Variants in ACMSD observed in about 807,000 individuals in gnomAD.
ACMSD encodes the protein 2-amino-3-carboxymuconate-6-semialdehyde decarboxylase.
In ACMSD, 37 loss-of-function variants were observed where a neutral mutation model predicts 45.9. The observed-to-expected ratio is 0.81, with a 90% CI of 0.62 to 1.06. The LOEUF is 1.06. Among genes scored for constraint, ACMSD ranks in the 50% least tolerant of loss-of-function variants. The probability of loss-of-function intolerance (pLI) is 0.00; values close to 1 mark genes in which losing one functional copy is unlikely to be tolerated. For missense variants in ACMSD, 434 were observed against 420.9 expected, an observed-to-expected ratio of 1.03 and a Z score of -0.27; for synonymous variants, 138 against 148.8, an observed-to-expected ratio of 0.93 and a Z score of 0.53.
At chr2:134,855,785 A>C (rs1201758016) in intron 2 of ACMSD, among the ~76,000 whole-genome samples, 2 of 152,250 alleles carry the variant, frequency 1.3e-5, no homozygotes, top group African/African-American at 4.8e-5. Context: ...ACAGCACTTA[A>C]AGGTGAAAAG....
chr2:134,842,599 C>A (rs1264215980), intron 1 of ACMSD, among the ~76,000 whole-genome samples: 2 of 152,126 alleles, frequency 1.3e-5, no homozygotes, highest in Non-Finnish European at 2.9e-5. Context: ...CACCTCACTC[C>A]CTCCACCATG....
At chr2:134,842,833 TTGTAAGTGACTTGTCGCA>T (rs1438720936) in intron 1 of ACMSD, among the ~76,000 whole-genome samples, 1 of 152,202 alleles carries the variant, frequency 6.6e-6, no homozygotes, top group Non-Finnish European at 1.5e-5. Context: ...GTCAAGTGCC[TTGTAAGTGACTTGTCGCA>T]TGTGGGAGGA....
In ACMSD at chr2:134,842,847, T is replaced by C. The variant is rs558924486; in HGVS notation, c.58-2386T>C. Among the ~76,000 whole-genome samples the C allele has an allele frequency of 6.4e-3, 981 of 152,304 alleles. 16 individuals are homozygous for C. The highest frequency in any genetic ancestry group is 0.022 in the African/African-American group (906 of 41,560). On this transcript the variant is annotated intron_variant, in intron 1 of 9. Coordinates refer to ENST00000356140, the MANE Select transcript of ACMSD (RefSeq NM_138326.3). ...AGTCAAGTGCCTTGTAAGTGACTTG[T>C]CGCATGTGGGAGGATCCCTCTGCTC...
At chr2:134,855,805 T>G (rs915977863) in intron 2 of ACMSD, among the ~76,000 whole-genome samples, 5 of 152,224 alleles carry the variant, frequency 3.3e-5, no homozygotes, top group Non-Finnish European at 7.3e-5. Flanking sequence ...GCATCCAGAC[T>G]TCTTCATGCA....
chr2:134,869,669 G>A (rs1688322496), intron 6 of ACMSD, among the ~76,000 whole-genome samples: 1 of 151,714 alleles, frequency 6.6e-6, no homozygotes, highest in Non-Finnish European at 1.5e-5. Flanking sequence ...CCTTCATGGA[G>A]CTTATATTCT....
chr2:134,885,610 A>G (rs1265053040), intron 8 of ACMSD, among the ~76,000 whole-genome samples: 1 of 150,986 alleles, frequency 6.6e-6, no homozygotes, highest in East Asian at 1.9e-4. Flanking sequence ...TTGTATCAAA[A>G]TAAGAAACAT....
intron 1 of ACMSD, among the ~76,000 whole-genome samples, chr2:134,842,885 C>T (rs1402906337): frequency 1.3e-5 from 2 of 152,210 alleles, no homozygotes; most frequent in Non-Finnish European, 1.5e-5. Flanking sequence ...CCTTTCCTAC[C>T]TCCCTATCCT....
At chr2:134,882,944 T>C (rs1293975719) in intron 8 of ACMSD, among the ~76,000 whole-genome samples, 3 of 152,216 alleles carry the variant, frequency 2.0e-5, no homozygotes, top group Non-Finnish European at 2.9e-5. Context: ...CAGTAAGTCC[T>C]TGACCTCATA....
chr2:134,882,190 A>T (rs1461638197), intron 8 of ACMSD, among the ~76,000 whole-genome samples: 1 of 152,220 alleles, frequency 6.6e-6, no homozygotes, highest in Non-Finnish European at 1.5e-5. Context: ...ATTTGTTTGA[A>T]TACTTAGGCT....
chr2:134,882,128 A>G lies in ACMSD; in HGVS notation c.849+9487A>G, dbSNP rs544272328. Among the ~76,000 whole-genome samples the G allele has an allele frequency of 4.6e-5, 7 of 152,278 alleles. No homozygotes were observed. In the South Asian group the frequency reaches 1.0e-3, roughly 23 times the overall value. ...GTGAGACTTGGTCTCAAAACAAACA[A>G]AAAAAGGTGGGGGAGGGTACCTGCC... On this transcript the variant is annotated intron_variant, in intron 8 of 9. Transcript: ENST00000356140.
chr2:134,856,905 G>GTT (rs79389559), intron 2 of ACMSD, among the ~76,000 whole-genome samples: 41 of 150,986 alleles, frequency 2.7e-4, no homozygotes, highest in Middle Eastern at 3.4e-3. Flanking sequence ...GAAATGTATG[G>GTT]TTTTTTTTTC....
chr2:134,864,314 T>C (rs1687993275), intron 5 of ACMSD, among the ~76,000 whole-genome samples: 1 of 152,042 alleles, frequency 6.6e-6, no homozygotes, highest in Non-Finnish European at 1.5e-5. Context: ...CTAAACATTT[T>C]TCAAAATTAT....
At position 134,859,376 on chromosome 2, in the gene ACMSD, C is replaced by A; in HGVS notation, c.199+19C>A. ...CAAAAAGGTACGATGAGAAGTGCTA[C>A]CAATGTTAGCATCTGATGTAAAAGC... On this transcript the variant is annotated intron_variant, in intron 3 of 9. Coordinates refer to ENST00000356140, the MANE Select transcript of ACMSD (RefSeq NM_138326.3). 2 of 1,600,318 alleles carry A rather than the reference C, an allele frequency of 1.2e-6. No homozygotes were observed. Among genetic ancestry groups the A allele is most frequent in the African/African-American group, 1.3e-5 (1 of 74,760 alleles).
At position 134,894,034 on chromosome 2, in the gene ACMSD, C is replaced by T. The variant is rs575717860; in HGVS notation, c.850-4307C>T. ...TTAAAAAAGAAGAAAGACCTTAATTCGGTGGCCTAGGACTTGGCCTTGAGA... is the reference window on the plus strand; with the variant it reads ...TTAAAAAAGAAGAAAGACCTTAATTTGGTGGCCTAGGACTTGGCCTTGAGA... On this transcript the variant is annotated intron_variant, in intron 8 of 9. Transcript: ENST00000356140. 5.3e-5 allele frequency among the ~76,000 whole-genome samples: 8 copies of T among 152,086 alleles called. No homozygotes were observed. In the South Asian group the frequency reaches 6.2e-4, roughly 12 times the overall value.
intron 1 of ACMSD, among the ~76,000 whole-genome samples, chr2:134,842,973 AAGAG>A (rs898415209): frequency 6.6e-6 from 1 of 152,212 alleles, no homozygotes; most frequent in Non-Finnish European, 1.5e-5. Context: ...GTAACAAAGA[AAGAG>A]AGTGAGGAAG....
chr2:134,860,996 C>T (rs1012460894), intron 3 of ACMSD, among the ~76,000 whole-genome samples: 8 of 152,026 alleles, frequency 5.3e-5, no homozygotes, highest in African/African-American at 1.9e-4. Context: ...CACCACTACA[C>T]TCCAGCCTAG....
chr2:134,863,475 G>A lies in ACMSD; in HGVS notation c.330G>A (p.Arg110=), dbSNP rs770044573. 4.3e-6 allele frequency: 7 copies of A among 1,614,124 alleles called. No individual in the cohort carries two copies. The South Asian group carries it at 7.7e-5, about 18-fold the overall frequency. The stretch of plus-strand genomic sequence containing the variant: ...GCACCGTTGTGAGCTACCCCAGGAG[G>A]TTCGTGGGTCTGGGGACGTTGCCCA... ...LASTVVSYPR[R]FVGLGTLPMQ... The change falls in exon 5 of 10, where the codon AGG becomes AGA. Residue 110 remains arginine (R), a synonymous_variant. Coordinates refer to ENST00000356140, the MANE Select transcript of ACMSD (RefSeq NM_138326.3).
rs567442384 is a variant in ACMSD, at chr2:134,846,387, C to T, written c.102+1110C>T. 2.6e-5 allele frequency among the ~76,000 whole-genome samples: 4 copies of T among 152,178 alleles called. No individual in the cohort carries two copies. The East Asian group carries it at 7.7e-4, about 29-fold the overall frequency. ...AACAAGCCTCCTGGTGATTCTGATG[C>T]ACTGTCAAGGGTTTTTTAATTATTA... On this transcript the variant is annotated intron_variant, in intron 2 of 9. Coordinates refer to ENST00000356140, the MANE Select transcript of ACMSD (RefSeq NM_138326.3).
At chr2:134,844,069 T>A (rs1686939228) in intron 1 of ACMSD, among the ~76,000 whole-genome samples, 1 of 152,196 alleles carries the variant, frequency 6.6e-6, no homozygotes, top group South Asian at 2.1e-4. Flanking sequence ...TTGTCATAGA[T>A]GGGACTCCAT....
Sources: gnomAD v4.1 joint callset for allele counts (sites outside exome capture counted in the v4.1 genomes callset) on GRCh38, gnomAD v4.1.1 for gene constraint, MANE v1.5 for transcripts, NCBI Gene and HGNC (gene_info 2026-07-23, HGNC 2026-07-21) for gene names.